The following SLC6A13 variants were observed in gnomAD, a reference collection of about 807,000 sequenced individuals.
SLC6A13 encodes the protein sodium- and chloride-dependent GABA transporter 2.
Under a neutral mutation model 72.9 loss-of-function variants are expected in SLC6A13, and 69 were observed. The ratio of observed to expected loss-of-function variants is 0.95; its 90% CI spans 0.78 to 1.16. The LOEUF (loss-of-function observed/expected upper bound fraction) is 1.16, where lower values mean the gene tolerates loss of function less well. Among genes scored for constraint, SLC6A13 ranks in the 50% most tolerant of loss-of-function variants. The pLI is 0.00. For missense variants in SLC6A13, 735 were observed against 760.5 expected (o/e 0.97, Z 0.39); for synonymous variants, 303 against 303.0 (o/e 1.00, Z 0.00).
In SLC6A13 at chr12:221,054, A is replaced by G. The variant is rs543786661; in HGVS notation, c.1703T>C (p.Met568Thr). 8.7e-6 allele frequency: 14 copies of G among 1,608,082 alleles called. No individual in the cohort carries two copies. In the South Asian group the frequency reaches 1.2e-4, roughly 14 times the overall value. ...GPFRERIRQL[M>T]CPAEDLPQRN... ...CTGGGGCAGGTCCTCGGCTGGGCAC[A>G]TGAGCTGACGGATTCTCTGCGGGGA... Residue 568 changes from methionine to threonine, a missense_variant, in exon 15 of 15, where the codon ATG (methionine) becomes ACG (threonine). Transcript: ENST00000343164.
intron 2 of SLC6A13, among the ~76,000 whole-genome samples, chr12:257,487 G>C: frequency 6.6e-6 from 1 of 152,164 alleles, no homozygotes; most frequent in East Asian, 1.9e-4. Flanking sequence ...TAAACAAAGA[G>C]AACTTGACTG....
At chr12:231,490 A>T (rs775584185) in intron 7 of SLC6A13, among the ~76,000 whole-genome samples, 10 of 152,166 alleles carry the variant, frequency 6.6e-5, no homozygotes, top group African/African-American at 9.7e-5. Flanking sequence ...CCCACCCTGC[A>T]GGTGCTGCTT....
chr12:237,647 G>A (rs1941985429), intron 5 of SLC6A13, among the ~76,000 whole-genome samples: 1 of 152,138 alleles, frequency 6.6e-6, no homozygotes, highest in Non-Finnish European at 1.5e-5. Context: ...CAGCCACAGG[G>A]AGGAGGAAGT....
rs77892276 is a variant in SLC6A13 at position 233,964 on chromosome 12, G to A, written c.831+1126C>T. 2.5e-3 allele frequency among the ~76,000 whole-genome samples: 373 copies of A among 152,176 alleles called. 7 individuals are homozygous for A. The East Asian group carries it at 0.057, about 23-fold the overall frequency. Reference sequence around the variant, plus strand: ...AGGAGGTAAGGCATTCTAAGTCACAGGATGAGACAGGAGGTCGTCACCTCA... The same window carrying A: ...AGGAGGTAAGGCATTCTAAGTCACAAGATGAGACAGGAGGTCGTCACCTCA... On this transcript the variant is annotated intron_variant, in intron 7 of 14. Transcript: ENST00000343164.
Position 235,074 on chromosome 12 carries a change from G to C in SLC6A13, c.831+16C>G, listed in dbSNP as rs1355265982. On this transcript the variant is annotated intron_variant, in intron 7 of 14. Coordinates refer to ENST00000343164, the MANE Select transcript of SLC6A13 (RefSeq NM_016615.5). ...CCCTGGGAGTCACGTGAGGGCTCCT[G>C]TCTGTGGCTTCTTACCTGGGGATCC... The C allele has an allele frequency of 6.2e-7, 1 of 1,614,174 alleles. No homozygotes were observed.
intron 7 of SLC6A13, among the ~76,000 whole-genome samples, chr12:229,761 G>C (rs1941627920): frequency 6.6e-6 from 1 of 152,198 alleles, no homozygotes; most frequent in Admixed American, 6.5e-5. Context: ...GAATTACCAA[G>C]GAAACACGCC....
intron 4 of SLC6A13, among the ~76,000 whole-genome samples, chr12:242,406 T>A (rs146698622): frequency 6.6e-6 from 1 of 152,390 alleles, no homozygotes; most frequent in African/African-American, 2.4e-5. Context: ...CAGTTCTCAT[T>A]GAATATGTTA....
intron 11 of SLC6A13, 98 bp downstream of exon 11, chr12:223,894 C>A: frequency 7.1e-7 from 1 of 1,405,444 alleles, no homozygotes; most frequent in Middle Eastern, 1.9e-4. Context: ...CCCAGAAGAC[C>A]TGCCCTGACC....
intron 2 of SLC6A13, among the ~76,000 whole-genome samples, chr12:244,905 T>C (rs909212459): frequency 6.6e-6 from 1 of 152,192 alleles, no homozygotes; most frequent in African/African-American, 2.4e-5. Flanking sequence ...CAAAATGAAC[T>C]AAGCTAGTAA....
intron 8 of SLC6A13, 105 bp from the exon 9 acceptor site, chr12:226,619 C>A: frequency 7.1e-7 from 1 of 1,401,926 alleles, no homozygotes; most frequent in Non-Finnish European, 9.5e-7. Flanking sequence ...CGGACACTGT[C>A]CTGGCCCCTT....
In SLC6A13 at chr12:235,152, C is replaced by G. The variant is rs760552965; in HGVS notation, c.769G>C (p.Gly257Arg). ...VLLIRGVTLP[G>R]AAQGIQFYLY... ...TAAAACTGAATTCCTTGGGCTGCCC[C>G]AGGCAACGTCACCCCTCGAATTAAC... Residue 257 changes from glycine (G) to arginine (R), a missense_variant, in exon 7 of 15, where the codon GGG (glycine) becomes CGG (arginine). Gly to Arg is a moderately radical substitution (Grantham distance 125). Transcript: ENST00000343164. 1 of 1,614,172 alleles carries G rather than the reference C, an allele frequency of 6.2e-7. No individual in the cohort carries two copies. Among genetic ancestry groups the G allele is most frequent in the East Asian group, 2.2e-5 (1 of 44,882 alleles).
intron 4 of SLC6A13, among the ~76,000 whole-genome samples, chr12:238,551 G>A (rs559207505): frequency 3.3e-5 from 5 of 152,334 alleles, no homozygotes; most frequent in Non-Finnish European, 4.4e-5. Context: ...AAATGAAAAC[G>A]TGGATGTAGA....
In SLC6A13 at chr12:242,620, TCC is replaced by T. The variant is rs770357135; in HGVS notation, c.470_471del (p.Trp157Ter). On this transcript the variant is annotated frameshift_variant, in exon 4 of 15. Transcript: ENST00000343164. LOFTEE classifies it high-confidence loss of function. ...CCTTGGGTGAGGACCATACCTGTGT[TCC>T]ACTCATGGTAGCAGCCGCCCCAGGG... The part of the protein sequence containing the change: ...DLPWGGCYHE[W>X]NTEHCMEFQK... 6.8e-6 allele frequency: 11 copies of T among 1,613,770 alleles called. No individual in the cohort carries two copies.
At chr12:241,520 T>A (rs1391821445) in intron 4 of SLC6A13, among the ~76,000 whole-genome samples, 1 of 152,182 alleles carries the variant, frequency 6.6e-6, no homozygotes, top group African/African-American at 2.4e-5. Flanking sequence ...TAACATTCAA[T>A]GCAAATGTTA....
intron 4 of SLC6A13, 42 bp downstream of exon 4, chr12:242,572 C>G (rs1209377253): frequency 1.9e-6 from 3 of 1,588,960 alleles, no homozygotes; most frequent in Non-Finnish European, 2.6e-6. Context: ...GTTAATGTGG[C>G]AGAACGAGAG....
At chr12:221,105 G>T in intron 14 of SLC6A13, 35 bp from the exon 15 acceptor site, 2 of 1,556,744 alleles carry the variant, frequency 1.3e-6, no homozygotes, top group South Asian at 2.5e-5. Context: ...TCAGGTGGTG[G>T]AGCGGGGGCA....
intron 1 of SLC6A13, among the ~76,000 whole-genome samples, chr12:260,688 C>T (rs1457617671): frequency 1.3e-5 from 2 of 152,090 alleles, no homozygotes; most frequent in African/African-American, 4.8e-5. Flanking sequence ...GTTATAGAAA[C>T]AAGTATATCG....
rs1449694480 is a variant in SLC6A13, at chr12:238,228, T to C, written c.479-218A>G. ...CTTGGACATGTGGGTACATAGATGC[T>C]TGGGTATACATTCTCCTCAAGCATG... On this transcript the variant is annotated intron_variant, in intron 4 of 14. Transcript: ENST00000343164. 5.3e-6 allele frequency: 8 copies of C among 1,517,470 alleles called. No homozygotes were observed. In the South Asian group the frequency reaches 8.4e-5, roughly 16 times the overall value. 94.0% of individuals were successfully genotyped at this position (1,517,470 alleles called of 1,614,324 possible).
At chr12:221,206 C>A in intron 14 of SLC6A13, 136 bp from the exon 15 acceptor site, 1 of 1,344,412 alleles carries the variant, frequency 7.4e-7, no homozygotes. Flanking sequence ...TGGGAGTCCC[C>A]CTGTGTCTTC....
Sources: allele counts gnomAD v4.1 joint callset (sites outside exome capture counted in the v4.1 genomes callset), GRCh38; gene constraint gnomAD v4.1.1; transcripts MANE v1.5; gene names NCBI Gene and HGNC (gene_info 2026-07-23, HGNC 2026-07-21).